Variants in SYNPO2 observed in about 807,000 individuals in gnomAD.
SYNPO2 encodes synaptopodin-2.
In SYNPO2, 56 loss-of-function variants were observed where a neutral mutation model predicts 85.0. The observed-to-expected ratio is 0.66, with a 90% CI of 0.53 to 0.82. The LOEUF is 0.82. Among genes scored for constraint, SYNPO2 ranks in the 40% least tolerant of loss-of-function variants. The probability of loss-of-function intolerance (pLI) is 0.00; values close to 1 mark genes in which losing one functional copy is unlikely to be tolerated. For missense variants in SYNPO2, 1,575 were observed against 1,534.2 expected (o/e 1.03, Z -0.44); for synonymous variants, 602 against 591.1 (o/e 1.02, Z -0.27).
intron 1 of SYNPO2, among the ~76,000 whole-genome samples, chr4:118,958,674 C>T (rs374417601): frequency 6.6e-5 from 10 of 152,232 alleles, no homozygotes; most frequent in African/African-American, 2.2e-4. Context: ...TAGAGGGAAA[C>T]CTTGGAAAAT....
chr4:118,893,321 G>A (rs958691558), intron 1 of SYNPO2, among the ~76,000 whole-genome samples: 2 of 152,180 alleles, frequency 1.3e-5, no homozygotes, highest in Non-Finnish European at 2.9e-5. Flanking sequence ...CATGAACTTT[G>A]CCATTAGCTG....
chr4:118,884,997 T>C (rs1447301583), upstream of SYNPO2, among the ~76,000 whole-genome samples: 1 of 152,204 alleles, frequency 6.6e-6, no homozygotes, highest in Non-Finnish European at 1.5e-5. Context: ...TCCTGGAGAA[T>C]GTGATCTCTA....
At chr4:118,914,173 T>C (rs1057117041) in intron 1 of SYNPO2, among the ~76,000 whole-genome samples, 14 of 152,124 alleles carry the variant, frequency 9.2e-5, no homozygotes, top group Admixed American at 4.6e-4. Context: ...GAGATTGTAT[T>C]AGAGGACGAT....
intron 1 of SYNPO2, among the ~76,000 whole-genome samples, chr4:118,900,783 C>CTATT (rs1732729306): frequency 1.4e-5 from 2 of 139,388 alleles, no homozygotes; most frequent in Admixed American, 1.4e-4. Flanking sequence ...ATCTATCTAT[C>CTATT]TATAGATATT....
At chr4:118,858,542 A>G (rs1731551641) in intron 1 of SYNPO2, among the ~76,000 whole-genome samples, 1 of 152,144 alleles carries the variant, frequency 6.6e-6, no homozygotes, top group South Asian at 2.1e-4. Flanking sequence ...TCCAGGATGT[A>G]GGCCTAAAGA....
chr4:118,991,257 C>T (rs557435983), intron 1 of SYNPO2, among the ~76,000 whole-genome samples: 1 of 152,272 alleles, frequency 6.6e-6, no homozygotes, highest in Admixed American at 6.5e-5. Flanking sequence ...AAGCAATTCT[C>T]CTGCCTCAGC....
Position 119,057,935 on chromosome 4 carries a change from AAGTT to A in SYNPO2, c.*4_*7del, listed in dbSNP as rs1739268531. Reference sequence around the variant, plus strand: ...AAGGGGATGGAGACGCCAAACATGAAAGTTAGAAGAACGGATCATGTGCCAACTG... The same window carrying A: ...AAGGGGATGGAGACGCCAAACATGAAAGAAGAACGGATCATGTGCCAACTG... On this transcript the variant is annotated 3_prime_UTR_variant, in exon 5 of 5. Transcript: ENST00000307142. 1 of 1,607,530 alleles carries A rather than the reference AAGTT, an allele frequency of 6.2e-7. No homozygotes were observed. Among genetic ancestry groups the A allele is most frequent in the Non-Finnish European group, 8.5e-7 (1 of 1,177,122 alleles).
At position 119,030,388 on chromosome 4, in the gene SYNPO2, G is replaced by C; in HGVS notation, c.1613G>C (p.Arg538Thr). Residue 538 changes from arginine to threonine, a missense_variant, in exon 4 of 5, where the codon AGA (arginine) becomes ACA (threonine). Around this residue, in one of 3 missense-constraint regions of SYNPO2, gnomAD observed 1,508 missense variants for 1,446.8 expected, o/e 1.04. Transcript: ENST00000307142. ...DGLRTTTSYQ[R>T]KEEESVRTQS... Reference sequence around the variant, plus strand: ...CTGAGAACCACGACTTCTTACCAAAGAAAGGAGGAAGAGTCGGTAAGAACG... The same window carrying C: ...CTGAGAACCACGACTTCTTACCAAACAAAGGAGGAAGAGTCGGTAAGAACG... 6.2e-7 allele frequency: 1 copy of C among 1,614,168 alleles called. No homozygotes were observed. The highest frequency in any genetic ancestry group is 1.7e-5 in the Admixed American group (1 of 60,018).
intron 1 of SYNPO2, among the ~76,000 whole-genome samples, chr4:119,017,756 A>G (rs559911886): frequency 6.6e-6 from 1 of 152,314 alleles, no homozygotes; most frequent in South Asian, 2.1e-4. Flanking sequence ...TCTTGTTTCT[A>G]TCACCCACTC....
upstream of SYNPO2, among the ~76,000 whole-genome samples, chr4:118,884,297 C>T (rs1175548855): frequency 1.3e-5 from 2 of 152,210 alleles, no homozygotes; most frequent in African/African-American, 2.4e-5. Flanking sequence ...ACTGTCTCTC[C>T]CAACACACCT....
intron 1 of SYNPO2, among the ~76,000 whole-genome samples, chr4:118,879,086 C>T (rs1293437653): frequency 6.6e-6 from 1 of 152,140 alleles, no homozygotes; most frequent in African/African-American, 2.4e-5. Flanking sequence ...TTAAGGTGTG[C>T]CACTTCACTC....
chr4:118,887,166 A>AGTGTGTGTGTGTGTGTGTGTGTGTGTGT (rs71595329), upstream of SYNPO2, among the ~76,000 whole-genome samples: 1 of 139,058 alleles, frequency 7.2e-6, no homozygotes, highest in Admixed American at 7.2e-5. Flanking sequence ...CATCTGAGTG[A>AGTGTGTGTGTGTGTGTGTGTGTGTGTGT]GTGTGTGTGT....
At chr4:118,910,761 C>G (rs963635094) in intron 1 of SYNPO2, among the ~76,000 whole-genome samples, 1 of 152,086 alleles carries the variant, frequency 6.6e-6, no homozygotes, top group African/African-American at 2.4e-5. Flanking sequence ...TCATTCTGAG[C>G]TAGGTTAAAA....
At chr4:119,046,511 T>C (rs1167144900) in intron 4 of SYNPO2, among the ~76,000 whole-genome samples, 1 of 152,224 alleles carries the variant, frequency 6.6e-6, no homozygotes. Flanking sequence ...CCTATTTTTG[T>C]CCTGGGTCAG....
rs749405268 is a variant in SYNPO2 at position 119,057,502 on chromosome 4, A to C, written c.3354A>C (p.Pro1118=). 2.5e-6 allele frequency: 4 copies of C among 1,614,138 alleles called. No homozygotes were observed. The highest frequency in any genetic ancestry group is 3.4e-6 in the Non-Finnish European group (4 of 1,180,026). Residue 1118 remains proline (P), a synonymous_variant, in exon 5 of 5, where the codon CCA becomes CCC. Coordinates refer to ENST00000307142, the MANE Select transcript of SYNPO2 (RefSeq NM_133477.3). ...YQPTYSYSSK[P]TDGLEKANKR... ...CTACTTATAGTTACTCTAGTAAACCAACCGATGGACTAGAGAAAGCAAACA... is the reference window on the plus strand; with the variant it reads ...CTACTTATAGTTACTCTAGTAAACCCACCGATGGACTAGAGAAAGCAAACA...
intron 1 of SYNPO2, among the ~76,000 whole-genome samples, chr4:118,867,882 G>A (rs1037303214): frequency 1.3e-5 from 2 of 151,588 alleles, no homozygotes; most frequent in Non-Finnish European, 1.5e-5. Flanking sequence ...AGATGAATTC[G>A]GAAAAAATGA....
intron 1 of SYNPO2, among the ~76,000 whole-genome samples, chr4:118,974,119 T>C (rs771519846): frequency 6.6e-6 from 1 of 152,226 alleles, no homozygotes; most frequent in African/African-American, 2.4e-5. Context: ...ACAATAATTA[T>C]GTTTGAGCTA....
intron 1 of SYNPO2, among the ~76,000 whole-genome samples, chr4:118,925,835 C>A (rs1012201101): frequency 3.7e-5 from 5 of 135,894 alleles, no homozygotes; most frequent in Non-Finnish European, 6.5e-5. Flanking sequence ...GTTTGGATAA[C>A]AATTACAGTA....
chr4:118,875,104 C>G (rs1040652748), intron 1 of SYNPO2, among the ~76,000 whole-genome samples: 1 of 152,140 alleles, frequency 6.6e-6, no homozygotes, highest in Non-Finnish European at 1.5e-5. Flanking sequence ...TGAGAACGTG[C>G]GGTATTTGGT....
Sources: gnomAD v4.1 joint callset for allele counts (sites outside exome capture counted in the v4.1 genomes callset) on GRCh38, gnomAD v4.1.1 for gene constraint, gnomAD v4.1.1 regional missense constraint, MANE v1.5 for transcripts, NCBI Gene and HGNC (gene_info 2026-07-23, HGNC 2026-07-21) for gene names.